The following SMAD1 variants were observed in gnomAD, a reference collection of about 807,000 sequenced individuals.
SMAD1 encodes the protein SMAD family member 1, also known as MAD, mothers against decapentaplegic homolog 1.
Under a neutral mutation model 41.6 loss-of-function variants are expected in SMAD1, and 6 were observed. The ratio of observed to expected loss-of-function variants is 0.14; its 90% CI spans 0.08 to 0.28. The LOEUF (loss-of-function observed/expected upper bound fraction) is 0.28, where lower values mean the gene tolerates loss of function less well. SMAD1 is among the 10% of genes least tolerant of loss of function. SMAD1 has a pLI of 1.00. For synonymous variants in SMAD1, 206 were observed against 203.2 expected (o/e 1.01, Z -0.12); for missense variants, 379 against 582.6 (o/e 0.65, Z 3.60).
intron 2 of SMAD1, among the ~76,000 whole-genome samples, chr4:145,532,967 A>G (rs144915158): frequency 1.3e-5 from 2 of 152,358 alleles, no homozygotes; most frequent in Non-Finnish European, 2.9e-5. Context: ...TTTGCCTAAT[A>G]GAAAACATAT....
intron 1 of SMAD1, among the ~76,000 whole-genome samples, chr4:145,509,385 T>C (rs1280324361): frequency 6.6e-6 from 1 of 152,132 alleles, no homozygotes; most frequent in Non-Finnish European, 1.5e-5. Flanking sequence ...GAATGTCGAT[T>C]TGAATAGTTA....
At chr4:145,515,242 A>G (rs1467373856) in intron 2 of SMAD1, among the ~76,000 whole-genome samples, 3 of 151,628 alleles carry the variant, frequency 2.0e-5, no homozygotes, top group Admixed American at 2.0e-4. Flanking sequence ...AGTCATCTCT[A>G]GTTAACATTA....
At chr4:145,516,835 A>G (rs1247384222) in intron 2 of SMAD1, among the ~76,000 whole-genome samples, 1 of 152,180 alleles carries the variant, frequency 6.6e-6, no homozygotes, top group African/African-American at 2.4e-5. Context: ...AAATGTATTA[A>G]TACATAGGTA....
chr4:145,502,138 A>AATT (rs1729481256), intron 1 of SMAD1, among the ~76,000 whole-genome samples: 1 of 152,208 alleles, frequency 6.6e-6, no homozygotes, highest in African/African-American at 2.4e-5. Context: ...ATTAAATCTT[A>AATT]AAATGTCTGT....
In SMAD1 at chr4:145,506,587, A is replaced by G. The variant is rs543390861; in HGVS notation, c.-176-7851A>G. On this transcript the variant is annotated intron_variant, in intron 1 of 6. Coordinates refer to ENST00000302085, the MANE Select transcript of SMAD1 (RefSeq NM_005900.3). ...AAGCTGATACAGAGAGTGGTTGAACATTATTTGTCTCCTAATCTTTTTATT... is the reference window on the plus strand; with the variant it reads ...AAGCTGATACAGAGAGTGGTTGAACGTTATTTGTCTCCTAATCTTTTTATT... Among the ~76,000 whole-genome samples, 4 of 152,286 alleles carry G rather than the reference A, an allele frequency of 2.6e-5. No individual in the cohort carries two copies. In the East Asian group the frequency reaches 7.7e-4, roughly 29 times the overall value.
intron 2 of SMAD1, among the ~76,000 whole-genome samples, chr4:145,528,060 TACACAC>T (rs35710925): frequency 0.095 from 13,522 of 142,080 alleles, 1,174 homozygotes; most frequent in African/African-American, 0.22. Flanking sequence ...TTTTTGTTTG[TACACAC>T]ACACACACAC....
intron 1 of SMAD1, among the ~76,000 whole-genome samples, chr4:145,494,341 G>C (rs145181486): frequency 6.6e-6 from 1 of 152,182 alleles, no homozygotes; most frequent in Non-Finnish European, 1.5e-5. Flanking sequence ...TAGACAGCTT[G>C]ATAAAGTTGG....
rs771498383 is a variant in SMAD1, at chr4:145,519,088, CTTTTTTTTTTT to C, written c.400+4090_400+4100del. On this transcript the variant is annotated intron_variant, in intron 2 of 6. Transcript: ENST00000302085. The stretch of plus-strand genomic sequence containing the variant: ...ACCATTTTTTTGTTTGTTTGGTTGG[CTTTTTTTTTTT>C]TTTTTTTTTTTTTTGAGGTAGAGTC... 5.7e-5 allele frequency among the ~76,000 whole-genome samples: 2 copies of C among 34,892 alleles called. 1 individual carries two copies. Among genetic ancestry groups the C allele is most frequent in the Non-Finnish European group, 1.2e-4 (2 of 16,026 alleles). 22.9% of individuals were successfully genotyped at this position (34,892 alleles called of 152,430 possible). A position where few individuals can be genotyped will look rare whatever the true frequency, so the allele number is the denominator to read the frequency against.
chr4:145,536,312 A>G (rs1259451548), intron 2 of SMAD1, among the ~76,000 whole-genome samples: 2 of 152,178 alleles, frequency 1.3e-5, no homozygotes, highest in Non-Finnish European at 2.9e-5. Flanking sequence ...TTTGGTTTCT[A>G]AATACTATTC....
chr4:145,536,850 G>C (rs759230751), intron 2 of SMAD1, among the ~76,000 whole-genome samples: 1 of 152,016 alleles, frequency 6.6e-6, no homozygotes, highest in Non-Finnish European at 1.5e-5. Flanking sequence ...AAGTGATCAG[G>C]ATTAAACCTC....
chr4:145,554,141 A>G (rs1237367709), intron 6 of SMAD1, 101 bp downstream of exon 6: 9 of 1,040,476 alleles, frequency 8.6e-6, no homozygotes, highest in Non-Finnish European at 1.3e-5. Context: ...TCTTGATAAC[A>G]TATTATCATA....
intron 2 of SMAD1, among the ~76,000 whole-genome samples, chr4:145,521,684 G>A (rs1055201021): frequency 1.3e-5 from 2 of 152,150 alleles, no homozygotes; most frequent in Non-Finnish European, 2.9e-5. Context: ...AGGGGAAGGG[G>A]AGTGGGTGTA....
chr4:145,509,186 C>G (rs1729947142), intron 1 of SMAD1, among the ~76,000 whole-genome samples: 1 of 152,158 alleles, frequency 6.6e-6, no homozygotes, highest in South Asian at 2.1e-4. Context: ...AATAAAACAT[C>G]TCAGCAAAGT....
Position 145,553,881 on chromosome 4 carries a change from A to G in SMAD1, c.1095A>G (p.Gly365=), listed in dbSNP as rs1578834276. ...VQSRNCNYHH[G]FHPTTVCKIP... is the part of the protein sequence containing the mutation. Reference sequence around the variant, plus strand: ...GTCGGAACTGCAACTACCATCATGGATTTCATCCTACTACTGTTTGCAAGA... The same window carrying G: ...GTCGGAACTGCAACTACCATCATGGGTTTCATCCTACTACTGTTTGCAAGA... The change falls in exon 6 of 7, where the codon GGA becomes GGG. Residue 365 remains glycine, a synonymous_variant. Coordinates refer to ENST00000302085, the MANE Select transcript of SMAD1 (RefSeq NM_005900.3). 6.2e-7 allele frequency: 1 copy of G among 1,614,120 alleles called. No homozygotes were observed. The highest frequency in any genetic ancestry group is 8.5e-7 in the Non-Finnish European group (1 of 1,180,024).
Position 145,482,133 on chromosome 4 carries a change from C to T in SMAD1, c.-177+95C>T, listed in dbSNP as rs1328629138. On this transcript the variant is annotated intron_variant, in intron 1 of 6. Transcript: ENST00000302085. The surrounding 1 kb of genome is among the most constrained non-coding windows in gnomAD (Gnocchi z 4.2). ...GGCTTTCCAGCGCCGCCGCCGCCGT[C>T]TCTGCACGCGTGGGGCCGCCGCGGT... 37 of 150,102 alleles carry T rather than the reference C, an allele frequency of 2.5e-4. No homozygotes were observed. Among genetic ancestry groups the T allele is most frequent in the Non-Finnish European group, 1.5e-5 (1 of 67,318 alleles). 9.3% of individuals were successfully genotyped at this position (150,102 alleles called of 1,614,324 possible). A position where few individuals can be genotyped will look rare whatever the true frequency, so the allele number is the denominator to read the frequency against.
At chr4:145,517,629 G>A (rs1303972743) in intron 2 of SMAD1, among the ~76,000 whole-genome samples, 1 of 152,074 alleles carries the variant, frequency 6.6e-6, no homozygotes, top group Non-Finnish European at 1.5e-5. Context: ...AAATGGTGAT[G>A]CTGATTTTTA....
chr4:145,550,494 CAGAG>C (rs1301389115), intron 5 of SMAD1, among the ~76,000 whole-genome samples: 1 of 152,032 alleles, frequency 6.6e-6, no homozygotes, highest in Non-Finnish European at 1.5e-5. Flanking sequence ...GCCTGGGTGA[CAGAG>C]AGAGACTCTG....
At chr4:145,503,337 A>G (rs1187027775) in intron 1 of SMAD1, among the ~76,000 whole-genome samples, 1 of 152,150 alleles carries the variant, frequency 6.6e-6, no homozygotes, top group East Asian at 1.9e-4. Context: ...TGGTTTAAAT[A>G]CATTTTTCCC....
intron 2 of SMAD1, among the ~76,000 whole-genome samples, chr4:145,526,297 T>G (rs1731014973): frequency 6.6e-6 from 1 of 152,218 alleles, no homozygotes; most frequent in African/African-American, 2.4e-5. Flanking sequence ...TTTGTTTCCC[T>G]GTAGTTTCCC....
Sources: allele counts gnomAD v4.1 joint callset (sites outside exome capture counted in the v4.1 genomes callset), GRCh38; gene constraint gnomAD v4.1.1; non-coding constraint Gnocchi (gnomAD v3.1); transcripts MANE v1.5; gene names NCBI Gene and HGNC (gene_info 2026-07-23, HGNC 2026-07-21).